The following MAP3K5 variants were observed in gnomAD, a reference collection of about 807,000 sequenced individuals.
MAP3K5 encodes the protein mitogen-activated protein kinase kinase kinase 5, also known as ASK-1.
A neutral mutation model predicts 158.7 loss-of-function variants in MAP3K5; 56 were observed. The ratio of observed to expected loss-of-function variants is 0.35; its 90% confidence interval spans 0.28 to 0.44. MAP3K5 has a LOEUF of 0.44. Ranked by LOEUF, MAP3K5 falls within the 20% of genes least tolerant of loss-of-function variation. The probability of loss-of-function intolerance (pLI) is 1.00; values close to 1 mark genes in which losing one functional copy is unlikely to be tolerated. For synonymous variants in MAP3K5, 579 were observed against 601.7 expected (o/e 0.96, Z 0.55); for missense variants, 1,294 against 1,674.8 (o/e 0.77, Z 3.97).
At chr6:136,726,317 A>G (rs1361430116) in intron 1 of MAP3K5, among the ~76,000 whole-genome samples, 1 of 152,186 alleles carries the variant, frequency 6.6e-6, no homozygotes, top group Non-Finnish European at 1.5e-5. Context: ...CAATCCATGA[A>G]TATAGAATAT....
intron 25 of MAP3K5, among the ~76,000 whole-genome samples, chr6:136,569,675 C>T (rs1476646449): frequency 6.6e-6 from 1 of 152,174 alleles, no homozygotes; most frequent in African/African-American, 2.4e-5. Flanking sequence ...TACAACCAAG[C>T]TATACCCCAA....
At chr6:136,605,424 T>C in intron 18 of MAP3K5, 58 bp from the exon 19 acceptor site, 3 of 1,431,986 alleles carry the variant, frequency 2.1e-6, no homozygotes, top group South Asian at 1.4e-5. Context: ...GGGTATCTAA[T>C]GACAGTTTTT....
At chr6:136,569,460 C>T (rs757946685) in intron 25 of MAP3K5, among the ~76,000 whole-genome samples, 1 of 152,194 alleles carries the variant, frequency 6.6e-6, no homozygotes, top group Non-Finnish European at 1.5e-5. Flanking sequence ...TTAACTCAAG[C>T]ATTTCTTTAT....
At chr6:136,767,953 G>A (rs1471869238) in intron 1 of MAP3K5, among the ~76,000 whole-genome samples, 1 of 152,146 alleles carries the variant, frequency 6.6e-6, no homozygotes, top group African/African-American at 2.4e-5. Context: ...AAATCCAATG[G>A]CAAAAGAATG....
intron 20 of MAP3K5, among the ~76,000 whole-genome samples, chr6:136,601,445 T>C (rs915908061): frequency 6.6e-6 from 1 of 152,198 alleles, no homozygotes; most frequent in African/African-American, 2.4e-5. Context: ...AGCTCTATAA[T>C]GGCTCTGTAG....
rs765214119 is a variant in MAP3K5 at position 136,583,631 on chromosome 6, T to G, written c.3335A>C (p.Lys1112Thr). ...DRKIIATTLS[K>T]LKLELDFDSH... is the part of the protein sequence containing the mutation. ...GTCGAAGTCCAGCTCCAGTTTCAGC[T>G]TTGACAGTGTGGTGGCTATGATTTT... The change falls in exon 24 of 30, where the codon AAG becomes ACG. Residue 1112 changes from lysine (K) to threonine (T), a missense_variant. Lys to Thr is a moderately conservative substitution (Grantham distance 78, BLOSUM62 -1). Transcript: ENST00000359015. 2 of 1,614,264 alleles carry G rather than the reference T, an allele frequency of 1.2e-6. No homozygotes were observed. Among genetic ancestry groups the G allele is most frequent in the Non-Finnish European group, 1.7e-6 (2 of 1,180,034 alleles).
At chr6:136,645,103 A>T (rs112875297) in intron 11 of MAP3K5, among the ~76,000 whole-genome samples, 7 of 151,994 alleles carry the variant, frequency 4.6e-5, no homozygotes, top group African/African-American at 1.7e-4. Context: ...TAATTTTTTT[A>T]AATTTTTTTG....
chr6:136,685,042 G>A (rs79321324), intron 7 of MAP3K5, among the ~76,000 whole-genome samples: 10,342 of 152,142 alleles, frequency 0.068, 1,178 homozygotes, highest in African/African-American at 0.23. Flanking sequence ...CCAGCCAGGC[G>A]CGGTGGCTCA....
chr6:136,753,389 A>G (rs1783311955), intron 1 of MAP3K5, among the ~76,000 whole-genome samples: 1 of 152,192 alleles, frequency 6.6e-6, no homozygotes, highest in South Asian at 2.1e-4. Flanking sequence ...TTTTTGGTAC[A>G]GCATGCAGAA....
intron 19 of MAP3K5, among the ~76,000 whole-genome samples, chr6:136,603,459 T>C (rs980519780): frequency 6.6e-5 from 10 of 151,950 alleles, no homozygotes; most frequent in Non-Finnish European, 1.5e-4. Context: ...ATTATAGGTG[T>C]GAGCCACCAC....
chr6:136,732,088 G>A (rs940015877), intron 1 of MAP3K5, among the ~76,000 whole-genome samples: 3 of 152,272 alleles, frequency 2.0e-5, no homozygotes, highest in Non-Finnish European at 4.4e-5. Flanking sequence ...TATGACAGAG[G>A]AGAAAAGTCA....
At chr6:136,731,432 T>C (rs1166929532) in intron 1 of MAP3K5, among the ~76,000 whole-genome samples, 1 of 152,170 alleles carries the variant, frequency 6.6e-6, no homozygotes, top group Non-Finnish European at 1.5e-5. Flanking sequence ...CCCTTCAAGA[T>C]TCTAAGTTTT....
At chr6:136,676,629 G>A (rs150127877) in intron 7 of MAP3K5, among the ~76,000 whole-genome samples, 56 of 151,608 alleles carry the variant, frequency 3.7e-4, no homozygotes, top group African/African-American at 1.3e-3. Flanking sequence ...CTGAAGAATT[G>A]GTATATGATT....
intron 2 of MAP3K5, among the ~76,000 whole-genome samples, chr6:136,717,896 AAGG>A (rs1285086265): frequency 2.0e-5 from 3 of 152,216 alleles, no homozygotes; most frequent in Admixed American, 2.0e-4. Flanking sequence ...AGTTAATAGA[AAGG>A]AGAAGGGAAA....
intron 18 of MAP3K5, 89 bp from the exon 19 acceptor site, chr6:136,605,455 A>G: frequency 9.2e-7 from 1 of 1,090,780 alleles, no homozygotes; most frequent in African/African-American, 1.6e-5. Flanking sequence ...TTTCAACAGA[A>G]ATGAGACAAC....
chr6:136,645,585 T>C (rs1778215406), intron 11 of MAP3K5, among the ~76,000 whole-genome samples: 2 of 152,238 alleles, frequency 1.3e-5, no homozygotes, highest in African/African-American at 4.8e-5. Flanking sequence ...ATCTTAAGTT[T>C]TTCTTTCATT....
intron 23 of MAP3K5, among the ~76,000 whole-genome samples, chr6:136,588,171 T>A (rs982355943): frequency 6.6e-6 from 1 of 152,174 alleles, no homozygotes; most frequent in African/African-American, 2.4e-5. Flanking sequence ...TTTCTTCACC[T>A]CCAATGCCTA....
chr6:136,660,467 T>C (rs1451866302), intron 8 of MAP3K5, among the ~76,000 whole-genome samples: 2 of 152,170 alleles, frequency 1.3e-5, no homozygotes, highest in African/African-American at 4.8e-5. Context: ...TGTCTTGTTA[T>C]GTCACTGTCT....
intron 5 of MAP3K5, 66 bp from the exon 6 acceptor site, chr6:136,696,123 C>A: frequency 1.1e-6 from 1 of 873,490 alleles, no homozygotes; most frequent in Non-Finnish European, 1.8e-6. Context: ...AATAACGTGT[C>A]TTTTGACAAC....
Sources: gnomAD v4.1 joint callset for allele counts (sites outside exome capture counted in the v4.1 genomes callset) on GRCh38, gnomAD v4.1.1 for gene constraint, MANE v1.5 for transcripts, NCBI Gene and HGNC (gene_info 2026-07-23, HGNC 2026-07-21) for gene names.